The following NRK variants were observed in gnomAD, a reference collection of about 807,000 sequenced individuals.
NRK encodes Nik related kinase.
A neutral mutation model predicts 125.2 loss-of-function variants in NRK; 67 were observed. The observed-to-expected ratio is 0.54, with a 90% confidence interval of 0.44 to 0.66. The LOEUF (loss-of-function observed/expected upper bound fraction) is 0.66, where lower values mean the gene tolerates loss of function less well. Among genes scored for constraint, NRK ranks in the 30% least tolerant of loss-of-function variants. The probability of loss-of-function intolerance (pLI) is 0.00; values close to 1 mark genes in which losing one functional copy is unlikely to be tolerated. For missense variants in NRK, 1,224 were observed against 1,192.9 expected, an observed-to-expected ratio of 1.03 and a Z score of -0.38; for synonymous variants, 458 against 429.0, an observed-to-expected ratio of 1.07 and a Z score of -0.84.
At chrX:105,829,347 A>T (rs1216733874) in intron 1 of NRK, among the ~76,000 whole-genome samples, 1 of 112,305 alleles carries the variant, frequency 8.9e-6, no homozygotes, top group Admixed American at 9.5e-5. Flanking sequence ...TATGCTCAAT[A>T]GTTTTCCTGT....
chrX:105,911,752 C>T (rs2040304797), intron 13 of NRK, among the ~76,000 whole-genome samples: 1 of 111,323 alleles, frequency 9.0e-6, no homozygotes, highest in Non-Finnish European at 1.9e-5. Context: ...TCGATGAACC[C>T]TAGTAATCAA....
chrX:105,950,780 G>T (rs141673457), intron 27 of NRK, among the ~76,000 whole-genome samples: 1 of 108,905 alleles, frequency 9.2e-6, no homozygotes, highest in Non-Finnish European at 1.9e-5. Context: ...CTTTGCTTTA[G>T]GTTTAGAATT....
In NRK at chrX:105,908,923, C is replaced by A. The variant is rs776875116; in HGVS notation, c.1282C>A (p.Pro428Thr). 8.3e-7 allele frequency: 1 copy of A among 1,210,834 alleles called. No individual in the cohort carries two copies. The highest frequency in any genetic ancestry group is 1.8e-5 in the South Asian group (1 of 56,955). ...GCAGGCTCTGGACAGTGCACCTAAG[C>A]CTCTAAAGGGGCAGGCTCAGGCACC... ...PLQALDSAPK[P>T]LKGQAQAPQR... The change falls in exon 13 of 29, where the codon CCT (proline) becomes ACT (threonine). Residue 428 changes from proline (P) to threonine (T), a missense_variant. Physicochemically the swap from Pro to Thr is conservative, Grantham distance 38. Transcript: ENST00000243300.
At chrX:105,918,505 C>A (rs1170499325) in intron 16 of NRK, among the ~76,000 whole-genome samples, 2 of 111,564 alleles carry the variant, frequency 1.8e-5, no homozygotes, top group Non-Finnish European at 3.8e-5. Context: ...ACACATTATT[C>A]TTCTTAAGTG....
intron 26 of NRK, among the ~76,000 whole-genome samples, chrX:105,949,098 A>G (rs2040857424): frequency 1.8e-5 from 2 of 111,767 alleles, no homozygotes; most frequent in African/African-American, 6.5e-5. Context: ...GTCCCTTGTA[A>G]ACATTTTAAG....
chrX:105,886,767 AAAAT>A (rs952746361), intron 4 of NRK, among the ~76,000 whole-genome samples: 14 of 109,402 alleles, frequency 1.3e-4, no homozygotes, highest in East Asian at 2.8e-4. Context: ...GAAAAAAATA[AAAAT>A]AAATAAATAA....
chrX:105,849,407 G>A (rs769671301), intron 2 of NRK, among the ~76,000 whole-genome samples: 2 of 110,717 alleles, frequency 1.8e-5, no homozygotes, highest in African/African-American at 3.3e-5. Context: ...CATATCATAC[G>A]GCCCCTGGCC....
chrX:105,845,659 G>A (rs551691776), intron 2 of NRK, among the ~76,000 whole-genome samples: 46 of 111,742 alleles, frequency 4.1e-4, no homozygotes, highest in Middle Eastern at 4.6e-3. Flanking sequence ...ACCTGACAAC[G>A]TCATGTTAAG....
chrX:105,949,186 A>G (rs932021582), intron 26 of NRK, among the ~76,000 whole-genome samples: 34 of 111,831 alleles, frequency 3.0e-4, no homozygotes, highest in African/African-American at 1.1e-3. Flanking sequence ...TATATTTGTT[A>G]TTTGATTTGT....
chrX:105,915,625 G>T lies in NRK; in HGVS notation c.2350-105G>T, dbSNP rs997527336. On this transcript the variant is annotated intron_variant, in intron 14 of 28. Coordinates refer to ENST00000243300, the MANE Select transcript of NRK (RefSeq NM_198465.4). ...TATTAAAATCATATTTTATAAGTTAGATTTTAGGAAAATATATATGAAGAC... is the reference window on the plus strand; with the variant it reads ...TATTAAAATCATATTTTATAAGTTATATTTTAGGAAAATATATATGAAGAC... The T allele has an allele frequency of 1.5e-5, 6 of 398,442 alleles. No homozygotes were observed. The Admixed American group carries it at 2.2e-4, about 14-fold the overall frequency. 32.8% of individuals were successfully genotyped at this position (398,442 alleles called of 1,213,427 possible). A position where few individuals can be genotyped will look rare whatever the true frequency, so the allele number is the denominator to read the frequency against.
intron 16 of NRK, among the ~76,000 whole-genome samples, chrX:105,920,420 A>G (rs1281233424): frequency 9.6e-6 from 1 of 104,248 alleles, no homozygotes; most frequent in East Asian, 3.0e-4. Context: ...GTTTTTTCCA[A>G]TTCTGTGAAG....
chrX:105,924,820 G>T lies in NRK; in HGVS notation c.3101G>T (p.Ser1034Ile). The T allele has an allele frequency of 8.3e-7, 1 of 1,210,951 alleles. No homozygotes were observed. Among genetic ancestry groups the T allele is most frequent in the Non-Finnish European group, 1.1e-6 (1 of 895,009 alleles). ...AGAAGCCATGGAGGAAGTGCAGCCAGTGAGGACAATGCAGCCATTGGAGAT... is the reference window on the plus strand; with the variant it reads ...AGAAGCCATGGAGGAAGTGCAGCCATTGAGGACAATGCAGCCATTGGAGAT... ...ANRSHGGSAA[S>I]EDNAAIGDQE... The change falls in exon 19 of 29, where the codon AGT becomes ATT. Residue 1034 changes from serine (S) to isoleucine (I), a missense_variant. Transcript: ENST00000243300.
Position 105,822,568 on chromosome X carries a change from T to G in NRK, c.-278T>G. ...ACAGCGCTCTCGACACGGAGCACCCTTCTAGCTTCTTCGTCTCCAGGACTG... is the reference window on the plus strand; with the variant it reads ...ACAGCGCTCTCGACACGGAGCACCCGTCTAGCTTCTTCGTCTCCAGGACTG... On this transcript the variant is annotated 5_prime_UTR_variant, in exon 1 of 29. Coordinates refer to ENST00000243300, the MANE Select transcript of NRK (RefSeq NM_198465.4). 1 of 392,195 alleles carries G rather than the reference T, an allele frequency of 2.5e-6. No individual in the cohort carries two copies. Among genetic ancestry groups the G allele is most frequent in the South Asian group, 3.5e-5 (1 of 28,301 alleles). 32.3% of individuals were successfully genotyped at this position (392,195 alleles called of 1,213,427 possible). A position where few individuals can be genotyped will look rare whatever the true frequency, so the allele number is the denominator to read the frequency against.
intron 2 of NRK, among the ~76,000 whole-genome samples, chrX:105,859,675 T>C (rs2039577075): frequency 8.9e-6 from 1 of 112,208 alleles, no homozygotes. Context: ...ATTAATACAA[T>C]GCTTTTGGAA....
At chrX:105,862,420 G>C (rs1263862647) in intron 2 of NRK, among the ~76,000 whole-genome samples, 2 of 101,770 alleles carry the variant, frequency 2.0e-5, no homozygotes, top group East Asian at 6.1e-4. Flanking sequence ...TTTCCAATGA[G>C]AAAAAAAAAA....
intron 2 of NRK, among the ~76,000 whole-genome samples, chrX:105,833,408 TTAC>T (rs1396016138): frequency 1.8e-5 from 2 of 111,657 alleles, no homozygotes; most frequent in East Asian, 5.6e-4. Flanking sequence ...TATGGTACAT[TTAC>T]AGTCTCCATG....
rs1172161819 is a variant in NRK at position 105,909,546 on chromosome X, A to G, written c.1905A>G (p.Ser635=). The change falls in exon 13 of 29, where the codon TCA becomes TCG. Residue 635 remains serine (S), a synonymous_variant. Transcript: ENST00000243300. Reference sequence around the variant, plus strand: ...TAGAACCCCCACAGGCAATTGGCTCAGTTCAAGCACTGATAGAGGGACTAT... The same window carrying G: ...TAGAACCCCCACAGGCAATTGGCTCGGTTCAAGCACTGATAGAGGGACTAT... ...WTLEPPQAIG[S]VQALIEGLSR... is the part of the protein sequence containing the mutation. 3 of 1,209,749 alleles carry G rather than the reference A, an allele frequency of 2.5e-6. No individual in the cohort carries two copies. The highest frequency in any genetic ancestry group is 3.0e-5 in the East Asian group (1 of 33,681).
chrX:105,895,398 A>AT, intron 6 of NRK, 35 bp from the exon 7 acceptor site: 1 of 983,228 alleles, frequency 1.0e-6, no homozygotes, highest in Non-Finnish European at 1.5e-6. Flanking sequence ...AGAAAGAAAT[A>AT]TATACTGATG....
intron 8 of NRK, among the ~76,000 whole-genome samples, chrX:105,899,662 C>A (rs1401759861): frequency 9.0e-6 from 1 of 111,597 alleles, no homozygotes; most frequent in East Asian, 2.8e-4. Flanking sequence ...TGAAAGAAGT[C>A]TTAAGCATAG....
Sources: gnomAD v4.1 joint callset for allele counts (sites outside exome capture counted in the v4.1 genomes callset) on GRCh38, gnomAD v4.1.1 for gene constraint, MANE v1.5 for transcripts, NCBI Gene and HGNC (gene_info 2026-07-23, HGNC 2026-07-21) for gene names.